The following VPS35L variants were observed in gnomAD, a reference collection of about 807,000 sequenced individuals.
VPS35L encodes the protein VPS35 endosomal protein sorting factor like, also known as VPS35 endosomal protein-sorting factor-like.
A neutral mutation model predicts 133.0 loss-of-function variants in VPS35L; 83 were observed. That is an observed-to-expected ratio of 0.62 (90% CI 0.52 to 0.75). The LOEUF is 0.75. VPS35L is among the 30% of genes least tolerant of loss of function. The pLI is 0.00. For synonymous variants in VPS35L, 423 were observed against 449.9 expected, an observed-to-expected ratio of 0.94 and a Z score of 0.76; for missense variants, 1,083 against 1,206.8, an observed-to-expected ratio of 0.90 and a Z score of 1.52.
intron 25 of VPS35L, 25 bp from the exon 26 acceptor site, chr16:19,651,951 G>A (rs561841923): frequency 1.2e-5 from 18 of 1,510,924 alleles, no homozygotes; most frequent in East Asian, 9.0e-5. Context: ...CACTGCTAGC[G>A]TTAATGTTTC....
At chr16:19,610,579 G>A (rs1809421822) in intron 12 of VPS35L, 164 bp downstream of exon 12, 3 of 459,826 alleles carry the variant, frequency 6.5e-6, no homozygotes, top group African/African-American at 2.0e-5. Flanking sequence ...AGAACTGTAG[G>A]GTTTCTTTTA....
intron 2 of VPS35L, among the ~76,000 whole-genome samples, chr16:19,565,749 G>A (rs1386799608): frequency 6.6e-6 from 1 of 152,122 alleles, no homozygotes; most frequent in Non-Finnish European, 1.5e-5. Context: ...CCTTAGTGAG[G>A]TTCCCTTGTG....
chr16:19,615,838 A>G (rs1466838050), intron 12 of VPS35L, among the ~76,000 whole-genome samples: 1 of 151,544 alleles, frequency 6.6e-6, no homozygotes, highest in Non-Finnish European at 1.5e-5. Context: ...CTGGTGACAC[A>G]TGCCTGTAAT....
chr16:19,698,377 G>A (rs560443072), intron 29 of VPS35L, among the ~76,000 whole-genome samples: 1 of 152,164 alleles, frequency 6.6e-6, no homozygotes, highest in African/African-American at 2.4e-5. Context: ...TCCACTGCTT[G>A]TCTCTGATTC....
chr16:19,629,682 G>A, intron 17 of VPS35L, 85 bp from the exon 18 acceptor site: 1 of 1,230,270 alleles, frequency 8.1e-7, no homozygotes, highest in Non-Finnish European at 1.2e-6. Flanking sequence ...TCCAACCATT[G>A]AACAGAGCCA....
rs1006029866 is a variant in VPS35L, at chr16:19,608,183, T to G, written c.790T>G (p.Phe264Val). The change falls in exon 10 of 31, where the codon TTT becomes GTT. Residue 264 changes from phenylalanine to valine, a missense_variant. Phe to Val is a conservative substitution (Grantham distance 50). Coordinates refer to ENST00000417362, the MANE Select transcript of VPS35L (RefSeq NM_020314.7). ...VDSRSVLPDH[F>V]SPENANDTAK... ...TCTTGTTTTTTGTATTACAGATCACTTTTCTCCAGAGAATGCAAATGACAC... is the reference window on the plus strand; with the variant it reads ...TCTTGTTTTTTGTATTACAGATCACGTTTCTCCAGAGAATGCAAATGACAC... 1 of 1,612,584 alleles carries G rather than the reference T, an allele frequency of 6.2e-7. No individual in the cohort carries two copies. The highest frequency in any genetic ancestry group is 1.3e-5 in the African/African-American group (1 of 75,000).
At chr16:19,600,600 G>A (rs907555059) in intron 8 of VPS35L, among the ~76,000 whole-genome samples, 2 of 152,284 alleles carry the variant, frequency 1.3e-5, no homozygotes, top group East Asian at 1.9e-4. Context: ...CCCCCTGTGT[G>A]CCAGGCACTG....
chr16:19,559,705 C>T (rs1468745153), intron 1 of VPS35L, among the ~76,000 whole-genome samples: 1 of 152,002 alleles, frequency 6.6e-6, no homozygotes, highest in Non-Finnish European at 1.5e-5. Context: ...AGATTTATTT[C>T]CACAAGCAGT....
At chr16:19,656,061 A>G (rs553276402) in intron 26 of VPS35L, among the ~76,000 whole-genome samples, 1 of 152,012 alleles carries the variant, frequency 6.6e-6, no homozygotes, top group African/African-American at 2.4e-5. Context: ...TCAGGAGTTC[A>G]AGACCAGCCT....
In VPS35L at chr16:19,682,210, TC is replaced by T. The variant is rs1975305460; in HGVS notation, c.2362-14del. On this transcript the variant is annotated splice_polypyrimidine_tract_variant and intron_variant, in intron 27 of 30. Coordinates refer to ENST00000417362, the MANE Select transcript of VPS35L (RefSeq NM_020314.7). Reference sequence around the variant, plus strand: ...ATCTTTGGGATTATTTATCCTTTTTTCGGTTCTCTGCTAGGATCATCCTGAA... The same window carrying T: ...ATCTTTGGGATTATTTATCCTTTTTTGGTTCTCTGCTAGGATCATCCTGAA... 1 of 1,607,488 alleles carries T rather than the reference TC, an allele frequency of 6.2e-7. No homozygotes were observed. The highest frequency in any genetic ancestry group is 1.3e-5 in the African/African-American group (1 of 74,692).
chr16:19,640,496 A>AT (rs1973754210), intron 21 of VPS35L, among the ~76,000 whole-genome samples: 1 of 152,208 alleles, frequency 6.6e-6, no homozygotes. Flanking sequence ...CAAGAGTAAC[A>AT]TTTTTAAGGA....
At chr16:19,685,657 G>A (rs767255834) in intron 28 of VPS35L, among the ~76,000 whole-genome samples, 5 of 152,194 alleles carry the variant, frequency 3.3e-5, no homozygotes, top group Admixed American at 6.5e-5. Context: ...CACGAATGAG[G>A]CTTCCATTTG....
intron 9 of VPS35L, among the ~76,000 whole-genome samples, chr16:19,605,806 A>G (rs183472479): frequency 6.6e-6 from 1 of 152,208 alleles, no homozygotes; most frequent in East Asian, 1.9e-4. Flanking sequence ...GCTGTTAGAT[A>G]TTATCTTATT....
chr16:19,698,578 C>G (rs1036427330), intron 29 of VPS35L, among the ~76,000 whole-genome samples: 1 of 152,138 alleles, frequency 6.6e-6, no homozygotes, highest in Non-Finnish European at 1.5e-5. Flanking sequence ...TAGGAGTGTA[C>G]CTGCCACGGA....
chr16:19,569,537 C>T lies in VPS35L; in HGVS notation c.231C>T (p.Asp77=), dbSNP rs1294070300. 3.1e-6 allele frequency: 5 copies of T among 1,602,346 alleles called. No homozygotes were observed. Among genetic ancestry groups the T allele is most frequent in the Non-Finnish European group, 4.3e-6 (5 of 1,174,416 alleles). The change falls in exon 3 of 31, where the codon GAC becomes GAT. Residue 77 remains aspartate, a synonymous_variant. Coordinates refer to ENST00000417362, the MANE Select transcript of VPS35L (RefSeq NM_020314.7). ...TGAGCAGCGTCCTCGATGGGACTGACCCCCTCTCCATGTTTGCAGCCACTG... is the reference window on the plus strand; with the variant it reads ...TGAGCAGCGTCCTCGATGGGACTGATCCCCTCTCCATGTTTGCAGCCACTG... ...DPLSSVLDGT[D]PLSMFAATAD... is the part of the protein sequence containing the mutation.
chr16:19,700,411 A>G lies in VPS35L; in HGVS notation c.2827A>G (p.Lys943Glu). The G allele has an allele frequency of 6.2e-7, 1 of 1,614,198 alleles. No individual in the cohort carries two copies. Among genetic ancestry groups the G allele is most frequent in the Non-Finnish European group, 8.5e-7 (1 of 1,180,016 alleles). Reference sequence around the variant, plus strand: ...GCTAGAATACATCAAGAAGCAAAGCAAACAACCAGACATGACTCATCTGAC... The same window carrying G: ...GCTAGAATACATCAAGAAGCAAAGCGAACAACCAGACATGACTCATCTGAC... ...KTLEYIKKQS[K>E]QPDMTHLTEL... Residue 943 changes from lysine to glutamate, a missense_variant, in exon 31 of 31, where the codon AAA becomes GAA. Lys to Glu is a moderately conservative substitution (Grantham distance 56). Coordinates refer to ENST00000417362, the MANE Select transcript of VPS35L (RefSeq NM_020314.7).
At chr16:19,670,572 C>T (rs933972965) in intron 27 of VPS35L, among the ~76,000 whole-genome samples, 2 of 152,088 alleles carry the variant, frequency 1.3e-5, no homozygotes, top group Non-Finnish European at 2.9e-5. Context: ...AAGAAGGTGG[C>T]GACAAAGTTC....
At position 19,639,929 on chromosome 16, in the gene VPS35L, T is replaced by G. The variant is rs12935562; in HGVS notation, c.1699-86T>G. ...GAGATGAACCTCTGTTCTGCTTCTT[T>G]GAACTCCACAGAAAAAGAGACCCAC... On this transcript the variant is annotated intron_variant, in intron 20 of 30. Coordinates refer to ENST00000417362, the MANE Select transcript of VPS35L (RefSeq NM_020314.7). The surrounding 1 kb of genome is among the most constrained non-coding windows in gnomAD (Gnocchi z 4.1). 0.038 allele frequency: 44,721 copies of G among 1,173,962 alleles called. 1,634 individuals are homozygous for G. Among genetic ancestry groups the G allele is most frequent in the African/African-American group, 0.15 (10,152 of 65,592 alleles). 72.7% of individuals were successfully genotyped at this position (1,173,962 alleles called of 1,614,324 possible). A position where few individuals can be genotyped will look rare whatever the true frequency, so the allele number is the denominator to read the frequency against.
intron 4 of VPS35L, among the ~76,000 whole-genome samples, chr16:19,573,753 C>T (rs1012670258): frequency 5.3e-5 from 8 of 152,166 alleles, no homozygotes; most frequent in African/African-American, 1.9e-4. Context: ...GTGGAGGTTA[C>T]ATTGCGCAGA....
Sources: allele counts gnomAD v4.1 joint callset (sites outside exome capture counted in the v4.1 genomes callset), GRCh38; gene constraint gnomAD v4.1.1; non-coding constraint Gnocchi (gnomAD v3.1); transcripts MANE v1.5; gene names NCBI Gene and HGNC (gene_info 2026-07-23, HGNC 2026-07-21).